The following SIL1 variants were observed in gnomAD, a reference collection of about 807,000 sequenced individuals.
The protein encoded by SIL1 is nucleotide exchange factor SIL1.
In SIL1, 40 loss-of-function variants were observed where a neutral mutation model predicts 49.1. That is an observed-to-expected ratio of 0.81 (90% CI 0.63 to 1.06). SIL1 has a LOEUF of 1.06. Ranked by LOEUF, SIL1 falls within the 50% of genes least tolerant of loss-of-function variation. The probability of loss-of-function intolerance (pLI) is 0.00; values close to 1 mark genes in which losing one functional copy is unlikely to be tolerated. For missense variants in SIL1, 500 were observed against 572.6 expected, an observed-to-expected ratio of 0.87 and a Z score of 1.29; for synonymous variants, 253 against 250.8, an observed-to-expected ratio of 1.01 and a Z score of -0.08.
At chr5:138,950,626 CCT>C (rs1024081258) in intron 9 of SIL1, among the ~76,000 whole-genome samples, 6 of 152,120 alleles carry the variant, frequency 3.9e-5, no homozygotes, top group African/African-American at 1.4e-4. Flanking sequence ...GGCTGGTTTT[CCT>C]CTCTCCTCCT....
intron 7 of SIL1, among the ~76,000 whole-genome samples, chr5:138,981,830 TC>T (rs1489034221): frequency 6.6e-6 from 1 of 150,468 alleles, no homozygotes; most frequent in African/African-American, 2.4e-5. Flanking sequence ...AATCTCTCTC[TC>T]TTTTTTTTTT....
At chr5:139,115,695 A>G (rs1275525511) in intron 3 of SIL1, among the ~76,000 whole-genome samples, 1 of 152,106 alleles carries the variant, frequency 6.6e-6, no homozygotes, top group East Asian at 1.9e-4. Context: ...CCCCACTCCA[A>G]TATCTTGCCG....
chr5:139,117,782 G>A (rs2151791604), intron 3 of SIL1, among the ~76,000 whole-genome samples: 1 of 152,252 alleles, frequency 6.6e-6, no homozygotes, highest in Middle Eastern at 3.4e-3. Context: ...AGTAATAACA[G>A]GGGCAGATAG....
chr5:139,146,001 T>C (rs1751189957), intron 1 of SIL1, among the ~76,000 whole-genome samples: 1 of 152,036 alleles, frequency 6.6e-6, no homozygotes, highest in East Asian at 1.9e-4. Context: ...TGTATATGTA[T>C]ATGAGATTGT....
intron 4 of SIL1, among the ~76,000 whole-genome samples, chr5:139,049,741 T>G (rs1197092425): frequency 2.0e-5 from 3 of 150,296 alleles, no homozygotes; most frequent in African/African-American, 7.4e-5. Flanking sequence ...TACAGTGAAC[T>G]ATGATCACAC....
At chr5:138,954,936 T>C (rs1766870281) in intron 7 of SIL1, among the ~76,000 whole-genome samples, 1 of 152,222 alleles carries the variant, frequency 6.6e-6, no homozygotes, top group Non-Finnish European at 1.5e-5. Flanking sequence ...CAATGCACTG[T>C]GGCCAAAAGA....
intron 3 of SIL1, chr5:139,108,274 A>G (rs1770767688): frequency 6.6e-6 from 1 of 152,220 alleles, no homozygotes. Flanking sequence ...CTGGTGCCAG[A>G]TGGAGGGAAA....
intron 1 of SIL1, among the ~76,000 whole-genome samples, chr5:139,153,882 A>C (rs1751356124): frequency 6.6e-6 from 1 of 152,176 alleles, no homozygotes; most frequent in Non-Finnish European, 1.5e-5. Context: ...AGCTAACTAC[A>C]CACTGTCCTT....
At chr5:139,119,499 G>A (rs976838365) in intron 3 of SIL1, among the ~76,000 whole-genome samples, 3 of 152,198 alleles carry the variant, frequency 2.0e-5, no homozygotes, top group Non-Finnish European at 4.4e-5. Context: ...GGTGGCTCAC[G>A]TCTGTAATCC....
At chr5:139,168,487 T>C (rs1751669094) in intron 1 of SIL1, among the ~76,000 whole-genome samples, 1 of 152,218 alleles carries the variant, frequency 6.6e-6, no homozygotes. Flanking sequence ...GGATCTGTGC[T>C]GATTCTGATT....
chr5:139,161,884 G>A (rs544633377), intron 1 of SIL1, among the ~76,000 whole-genome samples: 7 of 151,890 alleles, frequency 4.6e-5, no homozygotes, highest in South Asian at 2.1e-4. Flanking sequence ...ATGGTAGCAC[G>A]CTCCCGTAGT....
intron 3 of SIL1, among the ~76,000 whole-genome samples, chr5:139,071,833 A>AT (rs1769841737): frequency 6.6e-6 from 1 of 151,860 alleles, no homozygotes; most frequent in Non-Finnish European, 1.5e-5. Flanking sequence ...AATCTGGCTA[A>AT]TTTTTGTATT....
chr5:139,022,697 A>C (rs189122851), intron 6 of SIL1: 2 of 152,338 alleles, frequency 1.3e-5, no homozygotes, highest in East Asian at 3.9e-4. Flanking sequence ...TTGTGAAGTA[A>C]GCATGAAGTC....
At chr5:139,141,936 T>C (rs902552194) in intron 1 of SIL1, among the ~76,000 whole-genome samples, 1 of 152,190 alleles carries the variant, frequency 6.6e-6, no homozygotes, top group African/African-American at 2.4e-5. Context: ...CTTGTTCTTG[T>C]TCAGCAAACC....
intron 1 of SIL1, among the ~76,000 whole-genome samples, chr5:139,170,997 G>A (rs1403167984): frequency 6.7e-6 from 1 of 149,088 alleles, no homozygotes; most frequent in African/African-American, 2.5e-5. Context: ...CGGGAGGTGA[G>A]GGGCGCCTCT....
chr5:139,075,571 T>C (rs557803284), intron 3 of SIL1, among the ~76,000 whole-genome samples: 1 of 152,316 alleles, frequency 6.6e-6, no homozygotes, highest in Non-Finnish European at 1.5e-5. Flanking sequence ...TCCCTGACTC[T>C]GCAGACATCA....
At chr5:139,115,899 T>A (rs1371218523) in intron 3 of SIL1, among the ~76,000 whole-genome samples, 1 of 152,182 alleles carries the variant, frequency 6.6e-6, no homozygotes, top group Non-Finnish European at 1.5e-5. Flanking sequence ...CCATATGAAA[T>A]GGAAGCAGTC....
rs189276196 is a variant in SIL1 at position 138,969,691 on chromosome 5, G to C, written c.768-17807C>G. 7.9e-5 allele frequency among the ~76,000 whole-genome samples: 12 copies of C among 152,320 alleles called. No individual in the cohort carries two copies. The East Asian group carries it at 1.9e-3, about 24-fold the overall frequency. On this transcript the variant is annotated intron_variant, in intron 7 of 9. Transcript: ENST00000394817. ...GGTCAAGTTGACAAATACCATATAC[G>C]ATCAGAAAGAATTGCATGAACCGCA...
At chr5:139,066,816 C>T (rs1204285042) in intron 3 of SIL1, among the ~76,000 whole-genome samples, 1 of 152,064 alleles carries the variant, frequency 6.6e-6, no homozygotes, top group Non-Finnish European at 1.5e-5. Context: ...AGTGATCATC[C>T]CACCTCAGCC....
Sources: gnomAD v4.1 joint callset for allele counts (sites outside exome capture counted in the v4.1 genomes callset) on GRCh38, gnomAD v4.1.1 for gene constraint, MANE v1.5 for transcripts, NCBI Gene and HGNC (gene_info 2026-07-23, HGNC 2026-07-21) for gene names.